The following ANKRD24 variants were observed in gnomAD, a reference collection of about 807,000 sequenced individuals.
The protein encoded by ANKRD24 is ankyrin repeat domain 24.
ANKRD24 carries 109 observed loss-of-function variants against 127.8 expected under a neutral mutation model. The observed-to-expected ratio is 0.85, with a 90% CI of 0.73 to 1.00. The LOEUF is 1.00. ANKRD24 is among the 50% of genes least tolerant of loss of function. The pLI, the probability that ANKRD24 is intolerant of heterozygous loss-of-function variation, is 0.00. For missense variants in ANKRD24, 1,648 were observed against 1,570.2 expected, an observed-to-expected ratio of 1.05 and a Z score of -0.84; for synonymous variants, 743 against 671.1, an observed-to-expected ratio of 1.11 and a Z score of -1.66.
chr19:4,218,256 C>G (rs981663741), intron 18 of ANKRD24, 93 bp downstream of exon 18: 1 of 1,134,720 alleles, frequency 8.8e-7, no homozygotes, highest in African/African-American at 1.7e-5. Context: ...TTGAACCCAT[C>G]AGTTTTACTT....
rs574381037 is a variant in ANKRD24, at chr19:4,184,600, G to A, written c.-36-1790G>A. On this transcript the variant is annotated intron_variant, in intron 1 of 21. Coordinates refer to ENST00000318934, the MANE Select transcript of ANKRD24 (RefSeq NM_001393985.1). ...AAGCAGCTTCCTAAATTTAGCAGGCGTTTCTCCCTCCCCCAAGCCCACGGA... is the reference window on the plus strand; with the variant it reads ...AAGCAGCTTCCTAAATTTAGCAGGCATTTCTCCCTCCCCCAAGCCCACGGA... Among the ~76,000 whole-genome samples the A allele has an allele frequency of 2.0e-4, 30 of 152,226 alleles. No individual in the cohort carries two copies. In the South Asian group the frequency reaches 4.8e-3, roughly 24 times the overall value.
chr19:4,207,864 C>A lies in ANKRD24; in HGVS notation c.728C>A (p.Thr243Asn), dbSNP rs759541180. ...CAGGGCGGAGCCCAGCCGGGCATCA[C>A]CGATGCGCTGGGGCAGGACGCGGCT... ...LLQGGAQPGI[T>N]DALGQDAAHY... is the part of the protein sequence containing the mutation. The change falls in exon 10 of 22, where the codon ACC becomes AAC. Residue 243 changes from threonine (T) to asparagine (N), a missense_variant. Coordinates refer to ENST00000318934, the MANE Select transcript of ANKRD24 (RefSeq NM_001393985.1). The A allele has an allele frequency of 6.4e-7, 1 of 1,561,482 alleles. No individual in the cohort carries two copies. The highest frequency in any genetic ancestry group is 8.7e-7 in the Non-Finnish European group (1 of 1,155,596).
chr19:4,194,522 C>A (rs565373114), intron 2 of ANKRD24, among the ~76,000 whole-genome samples: 70 of 152,260 alleles, frequency 4.6e-4, no homozygotes, highest in Non-Finnish European at 8.2e-4. Flanking sequence ...TTCTCTCCCC[C>A]CTCCAACGAC....
intron 2 of ANKRD24, among the ~76,000 whole-genome samples, chr19:4,196,751 T>C (rs1287804929): frequency 6.6e-6 from 1 of 152,200 alleles, no homozygotes; most frequent in African/African-American, 2.4e-5. Context: ...CTGCGAATGC[T>C]GCGTGGCATC....
At position 4,199,395 on chromosome 19, in the gene ANKRD24, A is replaced by G. The variant is rs1043913811; in HGVS notation, c.37-288A>G. ...CCCGCTGATGATTTTTATTTTTTGT[A>G]GAGACGGGGTCCTACTATGGTGCCC... is the stretch of plus-strand genomic sequence containing the variant. On this transcript the variant is annotated intron_variant, in intron 2 of 21. Transcript: ENST00000318934. The surrounding 1 kb of genome is among the most constrained non-coding windows in gnomAD (Gnocchi z 5.2). The G allele has an allele frequency of 2.6e-5, 14 of 548,358 alleles. No homozygotes were observed. In the South Asian group the frequency reaches 3.2e-4, roughly 12 times the overall value. The allele number at this position is 548,358 out of a possible 1,614,324, so 34.0% of individuals were successfully genotyped here. A position where few individuals can be genotyped will look rare whatever the true frequency, so the allele number is the denominator to read the frequency against.
At chr19:4,197,754 T>C (rs1317007125) in intron 2 of ANKRD24, among the ~76,000 whole-genome samples, 1 of 151,520 alleles carries the variant, frequency 6.6e-6, no homozygotes, top group Non-Finnish European at 1.5e-5. Flanking sequence ...GGTGAAGGAA[T>C]GAACGAGTGA....
rs557143689 is a variant in ANKRD24, at chr19:4,199,418, C to T, written c.37-265C>T. 1 of 780,098 alleles carries T rather than the reference C, an allele frequency of 1.3e-6. No homozygotes were observed. The highest frequency in any genetic ancestry group is 1.9e-5 in the African/African-American group (1 of 52,952). 48.3% of individuals were successfully genotyped at this position (780,098 alleles called of 1,614,324 possible). A position where few individuals can be genotyped will look rare whatever the true frequency, so the allele number is the denominator to read the frequency against. The stretch of plus-strand genomic sequence containing the variant: ...GTAGAGACGGGGTCCTACTATGGTG[C>T]CCAGGTTTGTCTCAAACTCCTAGGC... On this transcript the variant is annotated intron_variant, in intron 2 of 21. Coordinates refer to ENST00000318934, the MANE Select transcript of ANKRD24 (RefSeq NM_001393985.1). This position sits in a 1 kb window ranked among gnomAD's most constrained non-coding sequence, Gnocchi z 5.2.
Position 4,217,573 on chromosome 19 carries a change from C to T in ANKRD24, c.2413C>T (p.Leu805=). The change falls in exon 18 of 22, where the codon CTG becomes TTG. Residue 805 remains leucine (L), a synonymous_variant. Coordinates refer to ENST00000318934, the MANE Select transcript of ANKRD24 (RefSeq NM_001393985.1). ...REDLRDRDSR[L]RELEAASACL... is the part of the protein sequence containing the mutation. ...GGACCTCCGAGACCGGGACTCCCGC[C>T]TGCGGGAGCTGGAGGCGGCCTCGGC... is the stretch of plus-strand genomic sequence containing the variant. The T allele has an allele frequency of 1.5e-6, 2 of 1,309,072 alleles. No individual in the cohort carries two copies. The highest frequency in any genetic ancestry group is 1.9e-6 in the Non-Finnish European group (2 of 1,033,216). The allele number at this position is 1,309,072 out of a possible 1,614,324, so 81.1% of individuals were successfully genotyped here.
At position 4,218,129 on chromosome 19, in the gene ANKRD24, G is replaced by A. The variant is rs776782847; in HGVS notation, c.2969G>A (p.Arg990Gln). 9.8e-6 allele frequency: 15 copies of A among 1,536,364 alleles called. No individual in the cohort carries two copies. Among genetic ancestry groups the A allele is most frequent in the African/African-American group, 1.4e-5 (1 of 70,854 alleles). ...QLEGQLEELG[R>Q]RHEKTSAEVF... Reference sequence around the variant, plus strand: ...GAGGGGCAGCTGGAGGAGCTGGGACGGCGGCATGAGAAGACCAGCGCAGAG... The same window carrying A: ...GAGGGGCAGCTGGAGGAGCTGGGACAGCGGCATGAGAAGACCAGCGCAGAG... The change falls in exon 18 of 22, where the codon CGG becomes CAG. Residue 990 changes from arginine (R) to glutamine (Q), a missense_variant. Physicochemically the swap from Arg to Gln is conservative, Grantham distance 43. Coordinates refer to ENST00000318934, the MANE Select transcript of ANKRD24 (RefSeq NM_001393985.1).
At chr19:4,216,165 T>C (rs1970055088) in intron 16 of ANKRD24, 115 bp downstream of exon 16, 1 of 1,363,226 alleles carries the variant, frequency 7.3e-7, no homozygotes, top group African/African-American at 1.7e-5. Context: ...TACTCATCCG[T>C]TTTTTAAATT....
intron 2 of ANKRD24, among the ~76,000 whole-genome samples, chr19:4,189,489 T>G (rs572322255): frequency 6.6e-6 from 1 of 151,804 alleles, no homozygotes; most frequent in Non-Finnish European, 1.5e-5. Flanking sequence ...TGACTTCAAG[T>G]GATCCACCCA....
intron 13 of ANKRD24, among the ~76,000 whole-genome samples, chr19:4,210,733 GCCCA>G (rs1282222917): frequency 1.1e-4 from 17 of 151,144 alleles, no homozygotes; most frequent in Admixed American, 1.1e-3. Context: ...CACTTCCCAT[GCCCA>G]CTTCCCATGC....
At chr19:4,190,714 G>A (rs1968340211) in intron 2 of ANKRD24, among the ~76,000 whole-genome samples, 2 of 152,128 alleles carry the variant, frequency 1.3e-5, no homozygotes, top group African/African-American at 2.4e-5. Flanking sequence ...GCCCAGCCTG[G>A]GTGACAGAGC....
chr19:4,224,367 A>G, intron 21 of ANKRD24, 61 bp from the exon 22 acceptor site: 2 of 1,561,244 alleles, frequency 1.3e-6, no homozygotes, highest in South Asian at 2.3e-5. Context: ...GGAGTGGTGG[A>G]GGGACTTGGG....
rs1406715347 is a variant in ANKRD24 at position 4,198,560 on chromosome 19, C to T, written c.37-1123C>T. On this transcript the variant is annotated intron_variant, in intron 2 of 21. Transcript: ENST00000318934. The surrounding 1 kb of genome is among the most constrained non-coding windows in gnomAD (Gnocchi z 6.1). ...AGGGCCCGGGGAGGGGGCGCAGGAG[C>T]GGGCGGGGCGCGGGTACCTCCTCTC... The T allele has an allele frequency of 3.8e-6, 2 of 531,928 alleles. No homozygotes were observed. Among genetic ancestry groups the T allele is most frequent in the African/African-American group, 2.0e-5 (1 of 50,228 alleles). 33.0% of individuals were successfully genotyped at this position (531,928 alleles called of 1,614,324 possible).
At chr19:4,183,247 T>G (rs966155837) in intron 1 of ANKRD24, 1 of 946,440 alleles carries the variant, frequency 1.1e-6, no homozygotes, top group Admixed American at 6.2e-5. Context: ...CCCAAAGTGC[T>G]GGGATTACAG....
In ANKRD24 at chr19:4,224,412, A is replaced by C. The variant is rs375634788; in HGVS notation, c.3364-16A>C. 3.1e-6 allele frequency: 5 copies of C among 1,611,170 alleles called. No homozygotes were observed. Among genetic ancestry groups the C allele is most frequent in the Non-Finnish European group, 4.2e-6 (5 of 1,178,960 alleles). ...GAGGGTATACTCAGGGTCTTCCTCT[A>C]CTCCCCCAACCCTAGGGCCAGATGG... is the stretch of plus-strand genomic sequence containing the variant. On this transcript the variant is annotated splice_polypyrimidine_tract_variant and intron_variant, in intron 21 of 21. Coordinates refer to ENST00000318934, the MANE Select transcript of ANKRD24 (RefSeq NM_001393985.1).
chr19:4,189,071 A>C (rs1049120721), intron 2 of ANKRD24, among the ~76,000 whole-genome samples: 1 of 146,530 alleles, frequency 6.8e-6, no homozygotes, highest in Non-Finnish European at 1.5e-5. Flanking sequence ...CAGCCTCCCA[A>C]AGTGCTGGAA....
chr19:4,205,260 C>A (rs761249914), intron 7 of ANKRD24, among the ~76,000 whole-genome samples: 4 of 152,128 alleles, frequency 2.6e-5, no homozygotes, highest in Non-Finnish European at 5.9e-5. Flanking sequence ...CCAACAACAA[C>A]AACAAACAGT....
Sources: gnomAD v4.1 joint callset for allele counts (sites outside exome capture counted in the v4.1 genomes callset) on GRCh38, gnomAD v4.1.1 for gene constraint, Gnocchi (gnomAD v3.1) non-coding constraint, MANE v1.5 for transcripts, NCBI Gene and HGNC (gene_info 2026-07-23, HGNC 2026-07-21) for gene names.